The following PRUNE2 variants were observed in gnomAD, a reference collection of about 807,000 sequenced individuals.
PRUNE2 encodes the protein protein prune homolog 2.
PRUNE2 carries 164 observed loss-of-function variants against 252.0 expected under a neutral mutation model. The observed-to-expected ratio is 0.65, with a 90% CI of 0.57 to 0.74. The LOEUF is 0.74. Ranked by LOEUF, PRUNE2 falls within the 30% of genes least tolerant of loss-of-function variation. The pLI, the probability that PRUNE2 is intolerant of heterozygous loss-of-function variation, is 0.00. For synonymous variants in PRUNE2, 1,292 were observed against 1,350.2 expected, an observed-to-expected ratio of 0.96 and a Z score of 0.94; for missense variants, 3,495 against 3,711.0, an observed-to-expected ratio of 0.94 and a Z score of 1.51.
intron 6 of PRUNE2, among the ~76,000 whole-genome samples, chr9:76,732,625 G>A (rs2048725708): frequency 6.6e-6 from 1 of 152,202 alleles, no homozygotes; most frequent in Non-Finnish European, 1.5e-5. Flanking sequence ...TAGTGTCTAG[G>A]TTGTATAGTT....
At chr9:76,868,837 T>TGGGGGGGGGGGGGGGGGGGGGGGGGGG (rs111357062) in intron 1 of PRUNE2, 1 of 77,192 alleles carries the variant, frequency 1.3e-5, no homozygotes, top group Non-Finnish European at 2.8e-5. Context: ...CCTTGGGGGG[T>TGGGGGGGGGGGGGGGGGGGGGGGGGGG]GGGGGGGGGG....
intron 6 of PRUNE2, among the ~76,000 whole-genome samples, chr9:76,782,473 T>C (rs181656330): frequency 4.5e-4 from 68 of 152,344 alleles, no homozygotes; most frequent in Non-Finnish European, 8.5e-4. Flanking sequence ...CACACTTTGT[T>C]TATCTGAAAC....
chr9:76,655,552 C>T (rs1295342638), intron 9 of PRUNE2, 50 bp from the exon 10 acceptor site: 2 of 1,373,304 alleles, frequency 1.5e-6, no homozygotes, highest in Admixed American at 3.6e-5. Context: ...TGTAAGACTT[C>T]ATTTCTTTTG....
At chr9:76,617,284 A>G (rs1830152990) in intron 18 of PRUNE2, among the ~76,000 whole-genome samples, 2 of 152,202 alleles carry the variant, frequency 1.3e-5, no homozygotes, top group South Asian at 4.1e-4. Context: ...AGAGGCCACT[A>G]CGATAACAGC....
intron 6 of PRUNE2, among the ~76,000 whole-genome samples, chr9:76,754,202 T>C (rs946407902): frequency 6.6e-6 from 1 of 152,012 alleles, no homozygotes; most frequent in African/African-American, 2.4e-5. Context: ...TGAGTGAACA[T>C]AGAGAAAAGC....
At chr9:76,732,188 C>A (rs1200054954) in intron 6 of PRUNE2, among the ~76,000 whole-genome samples, 1 of 152,146 alleles carries the variant, frequency 6.6e-6, no homozygotes, top group African/African-American at 2.4e-5. Context: ...GTGGTGGGTG[C>A]CTGTAGTCCC....
chr9:76,904,513 A>C lies in PRUNE2; in HGVS notation c.36+1415T>G, dbSNP rs894808943. On this transcript the variant is annotated intron_variant, in intron 1 of 18. Coordinates refer to ENST00000376718, the MANE Select transcript of PRUNE2 (RefSeq NM_015225.3). ...CATACACACACACGCACAGTTGCCA[A>C]AATTGTCTTTCATTTTTGAACATTT... Among the ~76,000 whole-genome samples, 8 of 152,356 alleles carry C rather than the reference A, an allele frequency of 5.3e-5. No individual in the cohort carries two copies. The East Asian group carries it at 1.5e-3, about 29-fold the overall frequency.
intron 4 of PRUNE2, among the ~76,000 whole-genome samples, chr9:76,832,030 C>G (rs1005933373): frequency 6.6e-6 from 1 of 152,136 alleles, no homozygotes; most frequent in East Asian, 1.9e-4. Context: ...ATAAATATTT[C>G]TATATTAATA....
chr9:76,706,480 T>C lies in PRUNE2; in HGVS notation c.5794A>G (p.Lys1932Glu). The C allele has an allele frequency of 6.2e-7, 1 of 1,614,000 alleles. No homozygotes were observed. The change falls in exon 8 of 19, where the codon AAA (lysine) becomes GAA (glutamate). Residue 1932 changes from lysine (K) to glutamate (E), a missense_variant. Coordinates refer to ENST00000376718, the MANE Select transcript of PRUNE2 (RefSeq NM_015225.3). The stretch of plus-strand genomic sequence containing the variant: ...GTTTGCTCTCTTGAGTCCTTTTCTT[T>C]AATTTGGTCTAATTTTACAAGCTGG... ...FSQLVKLDQI[K>E]EKDSREQTFV...
intron 6 of PRUNE2, among the ~76,000 whole-genome samples, chr9:76,802,299 T>C (rs1227274228): frequency 6.6e-6 from 1 of 152,122 alleles, no homozygotes; most frequent in Non-Finnish European, 1.5e-5. Flanking sequence ...TCTCCTTATC[T>C]TTGCAAAAAT....
intron 6 of PRUNE2, among the ~76,000 whole-genome samples, chr9:76,753,416 T>C (rs1312496990): frequency 6.6e-6 from 1 of 152,166 alleles, no homozygotes; most frequent in Non-Finnish European, 1.5e-5. Flanking sequence ...CATCTGCTTA[T>C]GTAGGCCTGT....
intron 4 of PRUNE2, among the ~76,000 whole-genome samples, chr9:76,842,926 C>A (rs530323613): frequency 6.6e-6 from 1 of 152,296 alleles, no homozygotes; most frequent in African/African-American, 2.4e-5. Flanking sequence ...GGCGATTCCT[C>A]AGGGATCTAG....
intron 6 of PRUNE2, among the ~76,000 whole-genome samples, chr9:76,722,222 C>T (rs1267965082): frequency 7.4e-6 from 1 of 134,430 alleles, no homozygotes; most frequent in Non-Finnish European, 1.5e-5. Flanking sequence ...CCACACCCTG[C>T]TATTTTTTTT....
chr9:76,715,142 GC>G (rs2047036734), intron 6 of PRUNE2, among the ~76,000 whole-genome samples: 1 of 152,228 alleles, frequency 6.6e-6, no homozygotes, highest in South Asian at 2.1e-4. Context: ...TCCTAGGACA[GC>G]CACTGTGAAG....
chr9:76,846,121 C>T (rs1327709849), intron 4 of PRUNE2, among the ~76,000 whole-genome samples: 1 of 152,154 alleles, frequency 6.6e-6, no homozygotes, highest in Non-Finnish European at 1.5e-5. Flanking sequence ...TGGTATAAAC[C>T]AAGCATGGAA....
At chr9:76,886,920 A>T (rs1406476396) in intron 1 of PRUNE2, among the ~76,000 whole-genome samples, 5 of 152,174 alleles carry the variant, frequency 3.3e-5, no homozygotes, top group Admixed American at 3.3e-4. Flanking sequence ...AGGGGTTGAG[A>T]TATCACAGTA....
Position 76,850,686 on chromosome 9 carries a change from T to C in PRUNE2, c.142-21A>G, listed in dbSNP as rs765735367. On this transcript the variant is annotated intron_variant, in intron 2 of 18. Coordinates refer to ENST00000376718, the MANE Select transcript of PRUNE2 (RefSeq NM_015225.3). ...CTGACCTACCAAGAAAAAAGTTGAC[T>C]GAATTACTGAAAATAGCAGGAGGAA... 2.1e-5 allele frequency: 32 copies of C among 1,543,020 alleles called. No homozygotes were observed. The East Asian group carries it at 6.1e-4, about 29-fold the overall frequency.
At chr9:76,764,948 A>G (rs947868917) in intron 6 of PRUNE2, among the ~76,000 whole-genome samples, 1 of 152,234 alleles carries the variant, frequency 6.6e-6, no homozygotes, top group African/African-American at 2.4e-5. Flanking sequence ...CTGACTAACT[A>G]TACTGAGAGA....
At chr9:76,742,078 T>C (rs1215641883) in intron 6 of PRUNE2, among the ~76,000 whole-genome samples, 1 of 152,164 alleles carries the variant, frequency 6.6e-6, no homozygotes, top group Non-Finnish European at 1.5e-5. Context: ...ATAAACTATT[T>C]TAAGGGAATC....
Sources: gnomAD v4.1 joint callset for allele counts (sites outside exome capture counted in the v4.1 genomes callset) on GRCh38, gnomAD v4.1.1 for gene constraint, MANE v1.5 for transcripts, NCBI Gene and HGNC (gene_info 2026-07-23, HGNC 2026-07-21) for gene names.